FSTL5: variants seen among roughly 807,000 people sequenced by gnomAD.
The protein encoded by FSTL5 is follistatin-related protein 5.
Under a neutral mutation model 89.1 loss-of-function variants are expected in FSTL5, and 62 were observed. The ratio of observed to expected loss-of-function variants is 0.70; its 90% CI spans 0.57 to 0.86. FSTL5 has a LOEUF of 0.86. Among genes scored for constraint, FSTL5 ranks in the 40% least tolerant of loss-of-function variants. The pLI, the probability that FSTL5 is intolerant of heterozygous loss-of-function variation, is 0.00. For missense variants in FSTL5, 1,057 were observed against 1,001.6 expected, an observed-to-expected ratio of 1.06 and a Z score of -0.75; for synonymous variants, 383 against 346.2, an observed-to-expected ratio of 1.11 and a Z score of -1.18.
chr4:161,641,595 G>A (rs1735964001), intron 7 of FSTL5, among the ~76,000 whole-genome samples: 1 of 151,218 alleles, frequency 6.6e-6, no homozygotes, highest in African/African-American at 2.4e-5. Flanking sequence ...GGGTTCAAGC[G>A]ATTCTCCTCC....
chr4:161,718,129 A>G (rs902737152), intron 6 of FSTL5, among the ~76,000 whole-genome samples: 1 of 152,168 alleles, frequency 6.6e-6, no homozygotes, highest in Non-Finnish European at 1.5e-5. Context: ...TCTCACTACC[A>G]TTTTAAAGTG....
rs1479697725 is a variant in FSTL5, at chr4:161,500,031, C to A, written c.1443G>T (p.Lys481Asn). The change falls in exon 12 of 16, where the codon AAG becomes AAT. Residue 481 changes from lysine to asparagine, a missense_variant. Lys to Asn is a moderately conservative substitution (Grantham distance 94). Around this residue, in one of 3 missense-constraint regions of FSTL5, gnomAD observed 980 missense variants for 903.2 expected, o/e 1.08. Coordinates refer to ENST00000306100, the MANE Select transcript of FSTL5 (RefSeq NM_020116.5). ...AGATACTTGCCTGAAATCCAAGGAGCTTTTCACTAGGCTTAATGTGCCTCT... is the reference window on the plus strand; with the variant it reads ...AGATACTTGCCTGAAATCCAAGGAGATTTTCACTAGGCTTAATGTGCCTCT... ...EFQRHIKPSEKLLGFQDEVCP... is the reference protein window; with the variant it reads ...EFQRHIKPSENLLGFQDEVCP... 4 of 1,597,894 alleles carry A rather than the reference C, an allele frequency of 2.5e-6. No homozygotes were observed. Among genetic ancestry groups the A allele is most frequent in the African/African-American group, 1.3e-5 (1 of 74,572 alleles).
At chr4:162,120,024 A>C (rs1037243970) in intron 1 of FSTL5, among the ~76,000 whole-genome samples, 2 of 152,148 alleles carry the variant, frequency 1.3e-5, no homozygotes, top group African/African-American at 4.8e-5. Context: ...AATTAAGACC[A>C]TTAATTTAAT....
chr4:161,560,636 C>T (rs1456291902), intron 8 of FSTL5, among the ~76,000 whole-genome samples: 4 of 151,462 alleles, frequency 2.6e-5, no homozygotes, highest in African/African-American at 4.8e-5. Context: ...AAAATTAAGA[C>T]ACAAACTCAC....
intron 15 of FSTL5, among the ~76,000 whole-genome samples, chr4:161,424,977 T>TA: frequency 6.6e-6 from 1 of 152,342 alleles, no homozygotes; most frequent in Non-Finnish European, 1.5e-5. Flanking sequence ...GTTCCCACCT[T>TA]ACAAAATTCA....
At chr4:161,477,526 G>A (rs1476643966) in intron 13 of FSTL5, among the ~76,000 whole-genome samples, 3 of 150,712 alleles carry the variant, frequency 2.0e-5, no homozygotes, top group East Asian at 3.9e-4. Context: ...AGGAAATATT[G>A]TTGCATATAT....
rs141738471 is a variant in FSTL5 at position 161,495,944 on chromosome 4, CTGTGTAATCCTGAA to C, written c.1458+4058_1458+4071del. Among the ~76,000 whole-genome samples the C allele has an allele frequency of 3.2e-3, 487 of 152,176 alleles. 2 individuals are homozygous for C. The highest frequency in any genetic ancestry group is 4.2e-3 in the Non-Finnish European group (288 of 67,988). On this transcript the variant is annotated intron_variant, in intron 12 of 15. Coordinates refer to ENST00000306100, the MANE Select transcript of FSTL5 (RefSeq NM_020116.5). Reference sequence around the variant, plus strand: ...AGTGCATTTACACAGGAACTTTTCACTGTGTAATCCTGAATTAATAGATCCATGAGGTTAGAGTC... The same window carrying C: ...AGTGCATTTACACAGGAACTTTTCACTTAATAGATCCATGAGGTTAGAGTC...
At chr4:161,496,590 A>G (rs1730079901) in intron 12 of FSTL5, among the ~76,000 whole-genome samples, 1 of 152,134 alleles carries the variant, frequency 6.6e-6, no homozygotes, top group Admixed American at 6.6e-5. Flanking sequence ...CAAGACTACG[A>G]CTTCAACTCC....
chr4:161,853,904 A>C (rs1731639157), intron 4 of FSTL5, among the ~76,000 whole-genome samples: 1 of 152,278 alleles, frequency 6.6e-6, no homozygotes, highest in East Asian at 1.9e-4. Flanking sequence ...AAAATTAGAT[A>C]TGGCTTTTAG....
chr4:161,768,020 C>A (rs1579078032), intron 5 of FSTL5, among the ~76,000 whole-genome samples: 2 of 152,114 alleles, frequency 1.3e-5, no homozygotes, highest in Admixed American at 1.3e-4. Context: ...AAGTTCCCCA[C>A]CCTATCTTAT....
chr4:162,058,087 T>C (rs1396444007), intron 2 of FSTL5, among the ~76,000 whole-genome samples: 1 of 152,208 alleles, frequency 6.6e-6, no homozygotes, highest in Non-Finnish European at 1.5e-5. Context: ...TGTGCATATT[T>C]AATGATTCCA....
Position 161,416,409 on chromosome 4 carries a change from T to C in FSTL5, c.1842-29960A>G, listed in dbSNP as rs139881572. Among the ~76,000 whole-genome samples, 98 of 152,214 alleles carry C rather than the reference T, an allele frequency of 6.4e-4. 1 individual carries two copies. The highest frequency in any genetic ancestry group is 2.2e-3 in the African/African-American group (91 of 41,552). On this transcript the variant is annotated intron_variant, in intron 15 of 15. Coordinates refer to ENST00000306100, the MANE Select transcript of FSTL5 (RefSeq NM_020116.5). ...TTGTTGTGTTTATGTCTATGCAAGATTTTCTTTCCCTACTATTTGGCTATT... is the reference window on the plus strand; with the variant it reads ...TTGTTGTGTTTATGTCTATGCAAGACTTTCTTTCCCTACTATTTGGCTATT...
rs565484482 is a variant in FSTL5, at chr4:161,715,603, G to A, written c.727+43808C>T. 3.4e-4 allele frequency among the ~76,000 whole-genome samples: 52 copies of A among 152,020 alleles called. No homozygotes were observed. The East Asian group carries it at 9.1e-3, about 27-fold the overall frequency. ...CACCCGTAAAAGAATTATAAGTTTC[G>A]AACTTATAATTCCAAAGCCAATTCC... On this transcript the variant is annotated intron_variant, in intron 6 of 15. Coordinates refer to ENST00000306100, the MANE Select transcript of FSTL5 (RefSeq NM_020116.5).
intron 3 of FSTL5, among the ~76,000 whole-genome samples, chr4:161,980,277 GAAAGAAAGAAAGAGAA>G (rs1487298479): frequency 2.1e-5 from 3 of 139,544 alleles, no homozygotes; most frequent in African/African-American, 8.6e-5. Context: ...AAGAAAGAAA[GAAAGAAAGAAAGAGAA>G]AGAAAGAAAG....
chr4:161,983,958 A>G (rs1735895887), intron 3 of FSTL5, among the ~76,000 whole-genome samples: 1 of 152,096 alleles, frequency 6.6e-6, no homozygotes, highest in Non-Finnish European at 1.5e-5. Flanking sequence ...AATATCGGTA[A>G]AAAACTTTCC....
chr4:161,396,377 C>T (rs1449851185), intron 15 of FSTL5, among the ~76,000 whole-genome samples: 1 of 151,674 alleles, frequency 6.6e-6, no homozygotes, highest in Non-Finnish European at 1.5e-5. Flanking sequence ...TACAGTGGCT[C>T]ATGCCTGTAA....
At chr4:161,725,525 TA>T (rs1195118852) in intron 6 of FSTL5, among the ~76,000 whole-genome samples, 2 of 151,506 alleles carry the variant, frequency 1.3e-5, no homozygotes, top group African/African-American at 2.4e-5. Flanking sequence ...ATGAAATATA[TA>T]AAAACTATAT....
At chr4:161,403,589 T>G (rs1207620786) in intron 15 of FSTL5, among the ~76,000 whole-genome samples, 1 of 152,188 alleles carries the variant, frequency 6.6e-6, no homozygotes, top group South Asian at 2.1e-4. Context: ...TAATTCAGGT[T>G]TTATAATAGA....
chr4:161,667,412 G>T lies in FSTL5; in HGVS notation c.728-10918C>A, dbSNP rs148361331. 6.0e-3 allele frequency among the ~76,000 whole-genome samples: 920 copies of T among 152,174 alleles called. 9 individuals carry two copies. The highest frequency in any genetic ancestry group is 0.045 in the South Asian group (219 of 4,828). ...CAAAGTAGTCAAGTTAATATTAACT[G>T]TATGACTTTGAAAAATTCAAGAATG... On this transcript the variant is annotated intron_variant, in intron 6 of 15. Transcript: ENST00000306100.
Sources: allele counts gnomAD v4.1 joint callset (sites outside exome capture counted in the v4.1 genomes callset), GRCh38; gene constraint gnomAD v4.1.1; regional missense constraint gnomAD v4.1.1; transcripts MANE v1.5; gene names NCBI Gene and HGNC (gene_info 2026-07-23, HGNC 2026-07-21).